The following P3H3 variants were observed in gnomAD, a reference collection of about 807,000 sequenced individuals.
P3H3 encodes the protein gene rich cluster, B.
P3H3 carries 64 observed loss-of-function variants against 78.1 expected under a neutral mutation model. That is an observed-to-expected ratio of 0.82 (90% CI 0.67 to 1.01). The LOEUF (loss-of-function observed/expected upper bound fraction) is 1.01, where lower values mean the gene tolerates loss of function less well. P3H3 is among the 50% of genes least tolerant of loss of function. The pLI, the probability that P3H3 is intolerant of heterozygous loss-of-function variation, is 0.00. For missense variants in P3H3, 975 were observed against 982.2 expected, an observed-to-expected ratio of 0.99 and a Z score of 0.10; for synonymous variants, 425 against 416.7, an observed-to-expected ratio of 1.02 and a Z score of -0.24.
chr12:6,833,528 T>G (rs1486663482), intron 6 of P3H3, 64 bp from the exon 7 acceptor site: 22 of 1,477,124 alleles, frequency 1.5e-5, no homozygotes, highest in Middle Eastern at 1.7e-4. Context: ...ATATTTCAGC[T>G]CTAATGTCAG....
chr12:6,839,333 CAGG>C lies in P3H3; in HGVS notation c.2094_2096del (p.Glu704del). ...AGCCAAAGAACTGCTGCAGGAGTCA[CAGG>C]AGGAGGAGGAAGAGGAAGAGGAAGA... On this transcript the variant is annotated inframe_deletion, in exon 15 of 15. Transcript: ENST00000290510. 1 of 1,552,956 alleles carries C rather than the reference CAGG, an allele frequency of 6.4e-7. No homozygotes were observed. The highest frequency in any genetic ancestry group is 8.7e-7 in the Non-Finnish European group (1 of 1,147,502).
chr12:6,839,776 A>C lies in P3H3; in HGVS notation c.*315A>C. ...GAGGCTGATGCTTTAAATGAAGAGGATGGTGGGGTTGGGAGGTATAACCCT... is the reference window on the plus strand; with the variant it reads ...GAGGCTGATGCTTTAAATGAAGAGGCTGGTGGGGTTGGGAGGTATAACCCT... On this transcript the variant is annotated 3_prime_UTR_variant, in exon 15 of 15. Coordinates refer to ENST00000290510, the MANE Select transcript of P3H3 (RefSeq NM_014262.5). 7 of 342,618 alleles carry C rather than the reference A, an allele frequency of 2.0e-5. No individual in the cohort carries two copies. Among genetic ancestry groups the C allele is most frequent in the East Asian group, 4.9e-5 (1 of 20,482 alleles). 21.2% of individuals were successfully genotyped at this position (342,618 alleles called of 1,614,324 possible). A position where few individuals can be genotyped will look rare whatever the true frequency, so the allele number is the denominator to read the frequency against.
chr12:6,830,275 C>A, intron 2 of P3H3, 78 bp from the exon 3 acceptor site: 4 of 1,407,360 alleles, frequency 2.8e-6, no homozygotes, highest in Non-Finnish European at 3.9e-6. Context: ...CCAAATGAGA[C>A]CAACACCCCT....
Position 6,831,464 on chromosome 12 carries a change from A to C in P3H3, c.1122+112A>C. 1 of 1,415,520 alleles carries C rather than the reference A, an allele frequency of 7.1e-7. No homozygotes were observed. 87.7% of individuals were successfully genotyped at this position (1,415,520 alleles called of 1,614,324 possible). On this transcript the variant is annotated intron_variant, in intron 5 of 14. Transcript: ENST00000290510. The surrounding 1 kb of genome is among the most constrained non-coding windows in gnomAD (Gnocchi z 4.6). ...GGCCTCTTACCCGAGCACTCTAGTC[A>C]CCCAAAGGACTCCAAGTCCAGCATC...
chr12:6,828,651 G>A lies in P3H3; in HGVS notation c.211G>A (p.Gly71Ser). The change falls in exon 1 of 15, where the codon GGC (glycine) becomes AGC (serine). Residue 71 changes from glycine to serine, a missense_variant. Transcript: ENST00000290510. ...REALRSQAAL[G>S]RVRLDCGASC... ...GGCGCTGCGGAGCCAGGCGGCGCTG[G>A]GCCGGGTGCGGCTGGATTGCGGGGC... is the stretch of plus-strand genomic sequence containing the variant. The A allele has an allele frequency of 4.1e-6, 5 of 1,226,376 alleles. No homozygotes were observed. The highest frequency in any genetic ancestry group is 3.6e-5 in the South Asian group (1 of 27,968). 76.0% of individuals were successfully genotyped at this position (1,226,376 alleles called of 1,614,324 possible). A position where few individuals can be genotyped will look rare whatever the true frequency, so the allele number is the denominator to read the frequency against.
chr12:6,839,126 G>A lies in P3H3; in HGVS notation c.2032G>A (p.Glu678Lys). The A allele has an allele frequency of 4.4e-6, 7 of 1,603,010 alleles. No individual in the cohort carries two copies. The highest frequency in any genetic ancestry group is 5.9e-6 in the Non-Finnish European group (7 of 1,176,634). The change falls in exon 14 of 15, where the codon GAG becomes AAG. Residue 678 changes from glutamate (E) to lysine (K), a missense_variant. Coordinates refer to ENST00000290510, the MANE Select transcript of P3H3 (RefSeq NM_014262.5). ...ALALWHTWAP[E>K]HREQEWIEAK... ...GGCACTGTGGCACACGTGGGCACCT[G>A]AGCACAGGGAGCAGGTAAGGAGCGG...
In P3H3 at chr12:6,830,758, G is replaced by A. The variant is rs782800249; in HGVS notation, c.973G>A (p.Ala325Thr). 9 of 1,613,992 alleles carry A rather than the reference G, an allele frequency of 5.6e-6. No homozygotes were observed. The East Asian group carries it at 1.8e-4, about 32-fold the overall frequency. The change falls in exon 4 of 15, where the codon GCC becomes ACC. Residue 325 changes from alanine to threonine, a missense_variant. Transcript: ENST00000290510. ...LPNQLRRLHE[A>T]HAQVGNLSQA... is the part of the protein sequence containing the mutation. ...CAACCAGCTGAGGCGGCTACATGAG[G>A]CCCATGCTCAGGGTCAGTTGGGGAA... is the stretch of plus-strand genomic sequence containing the variant.
intron 14 of P3H3, 62 bp downstream of exon 14, chr12:6,839,202 C>A: frequency 6.4e-7 from 1 of 1,569,286 alleles, no homozygotes; most frequent in Non-Finnish European, 8.6e-7. Context: ...GCAAGGAGCC[C>A]CCGAGAAGGC....
At position 6,829,874 on chromosome 12, in the gene P3H3, C is replaced by T; in HGVS notation, c.514C>T (p.Leu172=). 6.2e-7 allele frequency: 1 copy of T among 1,614,022 alleles called. No homozygotes were observed. The highest frequency in any genetic ancestry group is 8.5e-7 in the Non-Finnish European group (1 of 1,179,890). ...GCCTCCTCAGTTGAAGAAGCTGGAT[C>T]TGGCAGCTGCGGCAGCACACACCTT... The part of the protein sequence containing the change: ...RAYYQLKKLD[L]AAAAAHTFFV... Residue 172 remains leucine, a synonymous_variant, in exon 2 of 15, where the codon CTG becomes TTG. Coordinates refer to ENST00000290510, the MANE Select transcript of P3H3 (RefSeq NM_014262.5). This position sits in a 1 kb window ranked among gnomAD's most constrained non-coding sequence, Gnocchi z 5.1.
intron 3 of P3H3, 23 bp from the exon 4 acceptor site, chr12:6,830,616 T>C (rs782539794): frequency 1.9e-6 from 3 of 1,601,836 alleles, no homozygotes; most frequent in Non-Finnish European, 2.6e-6. Context: ...ACAAGCTGAA[T>C]GGCTTATGGG....
chr12:6,839,257 G>A (rs369855856), intron 14 of P3H3, 40 bp from the exon 15 acceptor site: 8 of 1,558,828 alleles, frequency 5.1e-6, no homozygotes, highest in Middle Eastern at 1.7e-4. Context: ...CAGGGAAGGT[G>A]GGTGCAGGGA....
intron 13 of P3H3, 136 bp downstream of exon 13, chr12:6,838,169 C>A: frequency 8.7e-7 from 1 of 1,149,494 alleles, no homozygotes; most frequent in South Asian, 1.5e-5. Context: ...CCTCCGCAGC[C>A]CTCCCGCTGC....
chr12:6,836,876 A>G, intron 9 of P3H3, 109 bp from the exon 10 acceptor site: 1 of 727,290 alleles, frequency 1.4e-6, no homozygotes, highest in Non-Finnish European at 2.3e-6. Flanking sequence ...GAACTGTGGG[A>G]GCATCTAGCT....
At position 6,830,671 on chromosome 12, in the gene P3H3, C is replaced by G. The variant is rs782340458; in HGVS notation, c.886C>G (p.Arg296Gly). Residue 296 changes from arginine (R) to glycine (G), a missense_variant, in exon 4 of 15, where the codon CGC (arginine) becomes GGC (glycine). Coordinates refer to ENST00000290510, the MANE Select transcript of P3H3 (RefSeq NM_014262.5). ...HWIQVLQCRQRCVGETATRPG... is the reference protein window; with the variant it reads ...HWIQVLQCRQGCVGETATRPG... Reference sequence around the variant, plus strand: ...GATTCAGGTCCTGCAGTGCCGGCAACGCTGTGTGGGGGAAACAGCCACACG... The same window carrying G: ...GATTCAGGTCCTGCAGTGCCGGCAAGGCTGTGTGGGGGAAACAGCCACACG... The G allele has an allele frequency of 3.1e-6, 5 of 1,613,308 alleles. No individual in the cohort carries two copies. The highest frequency in any genetic ancestry group is 4.2e-6 in the Non-Finnish European group (5 of 1,179,638).
At position 6,830,713 on chromosome 12, in the gene P3H3, C is replaced by T. The variant is rs782654776; in HGVS notation, c.928C>T (p.Pro310Ser). 2 of 1,613,930 alleles carry T rather than the reference C, an allele frequency of 1.2e-6. No homozygotes were observed. Among genetic ancestry groups the T allele is most frequent in the Admixed American group, 1.7e-5 (1 of 60,006 alleles). Reference sequence around the variant, plus strand: ...AGCCACACGCCCTGGTCGCAGCTTCCCTGTCCCAGACTTCCTTCCCAACCA... The same window carrying T: ...AGCCACACGCCCTGGTCGCAGCTTCTCTGTCCCAGACTTCCTTCCCAACCA... ...ETATRPGRSF[P>S]VPDFLPNQLR... The change falls in exon 4 of 15, where the codon CCT becomes TCT. Residue 310 changes from proline (P) to serine (S), a missense_variant. Physicochemically the swap from Pro to Ser is moderately conservative, Grantham distance 74. Coordinates refer to ENST00000290510, the MANE Select transcript of P3H3 (RefSeq NM_014262.5).
At position 6,828,888 on chromosome 12, in the gene P3H3, G is replaced by A; in HGVS notation, c.448G>A (p.Ala150Thr). 2 of 1,247,302 alleles carry A rather than the reference G, an allele frequency of 1.6e-6. No homozygotes were observed. The highest frequency in any genetic ancestry group is 2.8e-4 in the Middle Eastern group (1 of 3,618). 77.3% of individuals were successfully genotyped at this position (1,247,302 alleles called of 1,614,324 possible). ...RLRVGSALRD[A>T]FRRREPYNYL... ...TCGCGTGGGGAGCGCGCTCCGGGACGCCTTCCGCCGTCGGGAGCCCTACAA... is the reference window on the plus strand; with the variant it reads ...TCGCGTGGGGAGCGCGCTCCGGGACACCTTCCGCCGTCGGGAGCCCTACAA... The change falls in exon 1 of 15, where the codon GCC (alanine) becomes ACC (threonine). Residue 150 changes from alanine (A) to threonine (T), a missense_variant. Transcript: ENST00000290510.
intron 9 of P3H3, among the ~76,000 whole-genome samples, chr12:6,836,246 A>AC (rs1304373500): frequency 6.6e-6 from 1 of 151,134 alleles, no homozygotes; most frequent in Non-Finnish European, 1.5e-5. Flanking sequence ...AAAAAAAAAA[A>AC]AAACCCCAGG....
chr12:6,831,746 G>T lies in P3H3; in HGVS notation c.1123-79G>T, dbSNP rs1943452478. 1 of 866,996 alleles carries T rather than the reference G, an allele frequency of 1.2e-6. No individual in the cohort carries two copies. The highest frequency in any genetic ancestry group is 1.9e-6 in the Non-Finnish European group (1 of 523,602). 53.7% of individuals were successfully genotyped at this position (866,996 alleles called of 1,614,324 possible). A position where few individuals can be genotyped will look rare whatever the true frequency, so the allele number is the denominator to read the frequency against. ...TGGTGCCAGGTTCAAGGAGCATGGA[G>T]CACCCAGGCAGTGCCCTAGAGCCGG... is the stretch of plus-strand genomic sequence containing the variant. On this transcript the variant is annotated intron_variant, in intron 5 of 14. Coordinates refer to ENST00000290510, the MANE Select transcript of P3H3 (RefSeq NM_014262.5). This position sits in a 1 kb window ranked among gnomAD's most constrained non-coding sequence, Gnocchi z 4.6.
chr12:6,832,088 C>T (rs530624405), intron 6 of P3H3, among the ~76,000 whole-genome samples, 174 bp downstream of exon 6: 122 of 152,158 alleles, frequency 8.0e-4, no homozygotes, highest in Middle Eastern at 3.2e-3. Flanking sequence ...TTTGGGGTCA[C>T]GCAGGCCTAA....
Sources: gnomAD v4.1 joint callset for allele counts (sites outside exome capture counted in the v4.1 genomes callset) on GRCh38, gnomAD v4.1.1 for gene constraint, Gnocchi (gnomAD v3.1) non-coding constraint, MANE v1.5 for transcripts, NCBI Gene and HGNC (gene_info 2026-07-23, HGNC 2026-07-21) for gene names.